Variants in OR9Q1 observed in about 807,000 individuals in gnomAD.
OR9Q1 encodes the protein olfactory receptor family 9 subfamily Q member 1.
For missense variants in OR9Q1, 374 were observed against 378.8 expected (o/e 0.99, Z 0.11); for synonymous variants, 153 against 148.6 (o/e 1.03, Z -0.22).
At chr11:58,026,285 T>C (rs1230749513) in intron 1 of OR9Q1, among the ~76,000 whole-genome samples, 2 of 152,204 alleles carry the variant, frequency 1.3e-5, no homozygotes, top group Non-Finnish European at 2.9e-5. Context: ...AATTAATAGG[T>C]TCAAAAATTT....
intron 2 of OR9Q1, chr11:58,119,016 G>A: frequency 6.2e-7 from 1 of 1,613,896 alleles, no homozygotes; most frequent in Non-Finnish European, 8.5e-7. Context: ...CTACCACCAG[G>A]CTCCAGCAGA....
At chr11:58,068,934 A>G (rs1853460759) in intron 2 of OR9Q1, among the ~76,000 whole-genome samples, 1 of 152,160 alleles carries the variant, frequency 6.6e-6, no homozygotes, top group Non-Finnish European at 1.5e-5. Context: ...CCAACACATT[A>G]TTCTGCCCAT....
intron 2 of OR9Q1, among the ~76,000 whole-genome samples, chr11:58,095,810 A>G (rs1465084673): frequency 2.0e-5 from 3 of 152,118 alleles, no homozygotes; most frequent in Non-Finnish European, 4.4e-5. Context: ...CTCTCTTAAG[A>G]CAAGAGATTT....
chr11:58,154,118 GGAA>G lies in OR9Q1; in HGVS notation c.-14-25311_-14-25309del, dbSNP rs1418926505. Among the ~76,000 whole-genome samples, 6 of 151,320 alleles carry G rather than the reference GGAA, an allele frequency of 4.0e-5. 1 individual carries two copies. Among genetic ancestry groups the G allele is most frequent in the Non-Finnish European group, 8.8e-5 (6 of 67,854 alleles). ...AGAAGGGGAGGAGGAAGGAGGAGGG[GGAA>G]GGAGGAGGAGGAGGAAGTTGAGAAG... On this transcript the variant is annotated intron_variant, in intron 2 of 2. Transcript: ENST00000335397.
At chr11:58,104,064 T>C (rs894962350) in intron 2 of OR9Q1, among the ~76,000 whole-genome samples, 2 of 152,178 alleles carry the variant, frequency 1.3e-5, no homozygotes, top group Non-Finnish European at 2.9e-5. Context: ...CAGATTTCAT[T>C]CAAACATGCA....
intron 2 of OR9Q1, among the ~76,000 whole-genome samples, chr11:58,149,361 A>G (rs1343404519): frequency 6.6e-6 from 1 of 152,178 alleles, no homozygotes; most frequent in Non-Finnish European, 1.5e-5. Context: ...CTGGTGTGTC[A>G]CTTAGGACTT....
intron 2 of OR9Q1, among the ~76,000 whole-genome samples, chr11:58,142,599 T>G (rs1259644473): frequency 6.6e-6 from 1 of 152,206 alleles, no homozygotes; most frequent in Non-Finnish European, 1.5e-5. Flanking sequence ...ACTTTATTCT[T>G]TATCTAAAGT....
intron 2 of OR9Q1, among the ~76,000 whole-genome samples, chr11:58,154,106 G>A (rs1008286091): frequency 6.6e-6 from 1 of 151,430 alleles, no homozygotes; most frequent in African/African-American, 2.4e-5. Flanking sequence ...AGGGGAGGAG[G>A]AAGGAGGAGG....
intron 2 of OR9Q1, chr11:58,108,909 G>C (rs1462904275): frequency 1.4e-5 from 5 of 362,044 alleles, no homozygotes; most frequent in Non-Finnish European, 2.7e-5. Context: ...GTGTCCCAAA[G>C]AAGAGGACAA....
intron 2 of OR9Q1, among the ~76,000 whole-genome samples, chr11:58,152,125 T>A (rs1854359249): frequency 1.3e-5 from 2 of 152,164 alleles, no homozygotes; most frequent in African/African-American, 4.8e-5. Flanking sequence ...TAACTGGTAT[T>A]ACAAGAGGAT....
At chr11:58,028,280 CTGCATTTGTTTGCT>C (rs1214529577) in intron 1 of OR9Q1, among the ~76,000 whole-genome samples, 1 of 152,160 alleles carries the variant, frequency 6.6e-6, no homozygotes, top group Admixed American at 6.5e-5. Flanking sequence ...CAGGTGCCCT[CTGCATTTGTTTGCT>C]TGACCTGCAT....
At chr11:58,065,777 G>T (rs1853423358) in intron 2 of OR9Q1, among the ~76,000 whole-genome samples, 1 of 152,226 alleles carries the variant, frequency 6.6e-6, no homozygotes, top group African/African-American at 2.4e-5. Context: ...GACCCAGAGA[G>T]AGAAAAGGCC....
intron 2 of OR9Q1, among the ~76,000 whole-genome samples, chr11:58,086,961 T>C (rs1021739629): frequency 6.6e-6 from 1 of 151,772 alleles, no homozygotes; most frequent in Non-Finnish European, 1.5e-5. Context: ...TGAATAATAA[T>C]GCATCATAGA....
chr11:58,119,065 C>A (rs747198304), intron 2 of OR9Q1: 1 of 1,613,918 alleles, frequency 6.2e-7, no homozygotes. Flanking sequence ...CAGTGGGTTG[C>A]GAATGGCAGC....
chr11:58,065,139 C>T (rs768318839), intron 2 of OR9Q1, among the ~76,000 whole-genome samples: 2 of 152,046 alleles, frequency 1.3e-5, no homozygotes, highest in African/African-American at 4.8e-5. Flanking sequence ...GGACGGGACA[C>T]GTAAACAGGA....
intron 2 of OR9Q1, among the ~76,000 whole-genome samples, chr11:58,094,517 CAAT>C (rs2120072259): frequency 6.6e-6 from 1 of 152,182 alleles, no homozygotes; most frequent in East Asian, 1.9e-4. Context: ...TAAATACTCA[CAAT>C]AATGTCAGAT....
intron 2 of OR9Q1, among the ~76,000 whole-genome samples, chr11:58,143,281 C>G (rs534514474): frequency 6.6e-6 from 1 of 152,140 alleles, no homozygotes; most frequent in South Asian, 2.1e-4. Context: ...CTCATTTAAC[C>G]AAGAAGGAGG....
At chr11:58,135,044 C>T (rs1854177162) in intron 2 of OR9Q1, among the ~76,000 whole-genome samples, 1 of 152,148 alleles carries the variant, frequency 6.6e-6, no homozygotes, top group Admixed American at 6.6e-5. Flanking sequence ...ATCCCCACAA[C>T]ACTCCTGTGA....
chr11:58,065,303 C>T (rs541313041), intron 2 of OR9Q1, among the ~76,000 whole-genome samples: 6 of 152,246 alleles, frequency 3.9e-5, no homozygotes, highest in African/African-American at 1.4e-4. Context: ...GGGTGCAGGC[C>T]TAGGCAGACA....
Sources: gnomAD v4.1 joint callset for allele counts (sites outside exome capture counted in the v4.1 genomes callset) on GRCh38, gnomAD v4.1.1 for gene constraint, MANE v1.5 for transcripts, NCBI Gene and HGNC (gene_info 2026-07-23, HGNC 2026-07-21) for gene names.